The following VRK2 variants were observed in gnomAD, a reference collection of about 807,000 sequenced individuals.
VRK2 encodes VRK serine/threonine kinase 2.
A neutral mutation model predicts 57.6 loss-of-function variants in VRK2; 60 were observed. The ratio of observed to expected loss-of-function variants is 1.04; its 90% CI spans 0.85 to 1.29. The LOEUF (loss-of-function observed/expected upper bound fraction) is 1.29, where lower values mean the gene tolerates loss of function less well. VRK2 is among the 50% of genes most tolerant of loss of function. The probability of loss-of-function intolerance (pLI) is 0.00; values close to 1 mark genes in which losing one functional copy is unlikely to be tolerated. For synonymous variants in VRK2, 231 were observed against 199.2 expected (o/e 1.16, Z -1.35); for missense variants, 705 against 588.1 (o/e 1.20, Z -2.06).
intron 8 of VRK2, among the ~76,000 whole-genome samples, chr2:58,131,339 A>G (rs1424511403): frequency 1.3e-5 from 2 of 150,536 alleles, no homozygotes; most frequent in African/African-American, 4.9e-5. Flanking sequence ...TGCTAGTGTG[A>G]GTGGAACAGG....
chr2:58,076,189 C>G (rs1244047748), intron 2 of VRK2, among the ~76,000 whole-genome samples: 1 of 145,214 alleles, frequency 6.9e-6, no homozygotes, highest in African/African-American at 2.6e-5. Flanking sequence ...TCCATCTTAT[C>G]TGTACAGATG....
chr2:58,151,728 C>CTTTTTTTTTTTTTTT (rs1558707936), intron 12 of VRK2, among the ~76,000 whole-genome samples: 1 of 6,480 alleles, frequency 1.5e-4, no homozygotes, highest in African/African-American at 5.1e-4. Flanking sequence ...TGCTTCTATG[C>CTTTTTTTTTTTTTTT]TTGTTTTTTT....
chr2:57,972,590 T>C (rs1468028697), intron 1 of VRK2, among the ~76,000 whole-genome samples: 1 of 151,900 alleles, frequency 6.6e-6, no homozygotes, highest in Admixed American at 6.6e-5. Context: ...ATGAATTCAA[T>C]ACAGAATAGA....
chr2:58,145,425 TTCAA>T (rs1450498246), intron 11 of VRK2, among the ~76,000 whole-genome samples: 1 of 151,992 alleles, frequency 6.6e-6, no homozygotes, highest in African/African-American at 2.4e-5. Flanking sequence ...TTAGGCTCAC[TTCAA>T]TGATAGAAAA....
At chr2:57,965,852 T>C (rs908836063) in intron 1 of VRK2, among the ~76,000 whole-genome samples, 6 of 152,202 alleles carry the variant, frequency 3.9e-5, no homozygotes, top group Non-Finnish European at 8.8e-5. Context: ...TACCCTTATA[T>C]AGCATATATG....
intron 7 of VRK2, among the ~76,000 whole-genome samples, chr2:58,107,946 G>A (rs558965594): frequency 6.6e-6 from 1 of 152,104 alleles, no homozygotes. Flanking sequence ...TCTCGGTTGC[G>A]TGAGAAGCAG....
chr2:58,106,977 C>G (rs1364044473), intron 7 of VRK2, among the ~76,000 whole-genome samples: 1 of 152,016 alleles, frequency 6.6e-6, no homozygotes, highest in Non-Finnish European at 1.5e-5. Context: ...CAAAAAAGTA[C>G]TGTATGATAA....
intron 7 of VRK2, among the ~76,000 whole-genome samples, chr2:58,115,975 C>T (rs868467326): frequency 7.9e-5 from 12 of 152,224 alleles, no homozygotes; most frequent in Admixed American, 2.6e-4. Flanking sequence ...TTTGGCACCA[C>T]GGGGTGGATA....
At chr2:57,923,523 GT>G (rs34967704) in intron 1 of VRK2, among the ~76,000 whole-genome samples, 68 of 148,650 alleles carry the variant, frequency 4.6e-4, no homozygotes, top group Admixed American at 1.1e-3. Flanking sequence ...CCATTTGTAT[GT>G]TTTTTTTTTG....
intron 2 of VRK2, among the ~76,000 whole-genome samples, chr2:58,026,525 G>T (rs1254058875): frequency 6.6e-6 from 1 of 152,080 alleles, no homozygotes; most frequent in Non-Finnish European, 1.5e-5. Flanking sequence ...CTTAGATGAA[G>T]CGTGTCAGTA....
At chr2:57,911,526 T>C (rs1669985872) in intron 1 of VRK2, among the ~76,000 whole-genome samples, 1 of 152,188 alleles carries the variant, frequency 6.6e-6, no homozygotes, top group Admixed American at 6.5e-5. Context: ...AGGAATCTAC[T>C]TTGTAACTAT....
rs1271674316 is a variant in VRK2 at position 58,031,415 on chromosome 2, G to A, written c.-332-1812G>A. ...CTTGGGAGGGATATATTTTTTAGTG[G>A]TAAGAAGACTAAGAGTATGACTGTT... On this transcript the variant is annotated intron_variant, in intron 2 of 15. Transcript: ENST00000417641. Among the ~76,000 whole-genome samples, 3 of 151,938 alleles carry A rather than the reference G, an allele frequency of 2.0e-5. No homozygotes were observed. In the East Asian group the frequency reaches 5.8e-4, roughly 29 times the overall value.
rs1268744885 is a variant in VRK2 at position 57,982,759 on chromosome 2, G to C, written c.-438-42906G>C. Reference sequence around the variant, plus strand: ...AAGCAAGACAGCCCTGAACTATCCAGGTCTGGCAGCCAGTAAAGGCTACAG... The same window carrying C: ...AAGCAAGACAGCCCTGAACTATCCACGTCTGGCAGCCAGTAAAGGCTACAG... On this transcript the variant is annotated intron_variant, in intron 1 of 15. Transcript: ENST00000417641. 3.3e-5 allele frequency among the ~76,000 whole-genome samples: 5 copies of C among 152,316 alleles called. No individual in the cohort carries two copies. The South Asian group carries it at 6.2e-4, about 19-fold the overall frequency.
intron 1 of VRK2, among the ~76,000 whole-genome samples, chr2:57,910,261 G>A (rs1669946196): frequency 6.6e-6 from 1 of 152,138 alleles, no homozygotes. Flanking sequence ...TTCAACACTG[G>A]GAAGGTCAGC....
At chr2:58,022,923 A>G (rs1275409197) in intron 1 of VRK2, among the ~76,000 whole-genome samples, 7 of 152,212 alleles carry the variant, frequency 4.6e-5, no homozygotes, top group Admixed American at 6.5e-5. Flanking sequence ...GGTAGGATAG[A>G]TATCAAGAGA....
intron 1 of VRK2, among the ~76,000 whole-genome samples, chr2:57,953,187 T>A (rs537131724): frequency 1.9e-4 from 29 of 152,350 alleles, no homozygotes; most frequent in African/African-American, 6.3e-4. Flanking sequence ...CCATCTCTGT[T>A]GCCAGCTTTG....
Position 58,139,789 on chromosome 2 carries a change from C to CA in VRK2, c.984dup (p.Gly329ArgfsTer15), listed in dbSNP as rs1338696751. The CA allele has an allele frequency of 6.2e-7, 1 of 1,612,932 alleles. No individual in the cohort carries two copies. Among genetic ancestry groups the CA allele is most frequent in the Non-Finnish European group, 8.5e-7 (1 of 1,179,348 alleles). Reference sequence around the variant, plus strand: ...CCTTTAGGACCACTGGACTTTTCCACAAAAGGACAGAGTATAAATGTCCAT... The same window carrying CA: ...CCTTTAGGACCACTGGACTTTTCCACAAAAAGGACAGAGTATAAATGTCCAT... On this transcript the variant is annotated frameshift_variant, in exon 11 of 13. Coordinates refer to ENST00000340157, the MANE Select transcript of VRK2 (RefSeq NM_006296.7). LOFTEE classifies it high-confidence loss of function.
At chr2:57,926,353 G>T (rs1225458204) in intron 1 of VRK2, among the ~76,000 whole-genome samples, 3 of 151,340 alleles carry the variant, frequency 2.0e-5, no homozygotes, top group Non-Finnish European at 4.4e-5. Flanking sequence ...CTGTATTGGG[G>T]TCTCTCTTTA....
chr2:58,057,341 A>C (rs1676675615), intron 2 of VRK2, among the ~76,000 whole-genome samples: 1 of 152,170 alleles, frequency 6.6e-6, no homozygotes, highest in Admixed American at 6.6e-5. Context: ...TTGAAGGGAT[A>C]AAAGTATGTG....
Sources: allele counts gnomAD v4.1 joint callset (sites outside exome capture counted in the v4.1 genomes callset), GRCh38; gene constraint gnomAD v4.1.1; transcripts MANE v1.5; gene names NCBI Gene and HGNC (gene_info 2026-07-23, HGNC 2026-07-21).